Variants in ADAMTS3 observed in about 807,000 individuals in gnomAD.
ADAMTS3 encodes ADAM metallopeptidase with thrombospondin type 1 motif 3, also known as A disintegrin and metalloproteinase with thrombospondin motifs 3.
In ADAMTS3, 73 loss-of-function variants were observed where a neutral mutation model predicts 129.0. That is an observed-to-expected ratio of 0.57 (90% CI 0.47 to 0.69). The LOEUF (loss-of-function observed/expected upper bound fraction) is 0.69, where lower values mean the gene tolerates loss of function less well. Among genes scored for constraint, ADAMTS3 ranks in the 30% least tolerant of loss-of-function variants. The pLI is 0.00. For synonymous variants in ADAMTS3, 477 were observed against 510.8 expected (o/e 0.93, Z 0.89); for missense variants, 1,457 against 1,514.5 (o/e 0.96, Z 0.63).
chr4:72,552,627 C>G (rs1171429504), intron 2 of ADAMTS3, among the ~76,000 whole-genome samples: 1 of 152,148 alleles, frequency 6.6e-6, no homozygotes, highest in Admixed American at 6.5e-5. Context: ...TCTCCTCAAA[C>G]CCATCCCACT....
At chr4:72,509,966 A>G (rs946264034) in intron 3 of ADAMTS3, among the ~76,000 whole-genome samples, 1 of 152,106 alleles carries the variant, frequency 6.6e-6, no homozygotes, top group Non-Finnish European at 1.5e-5. Flanking sequence ...AACATATGCA[A>G]ATCAATCAGC....
chr4:72,414,873 G>A lies in ADAMTS3; in HGVS notation c.603C>T (p.Tyr201=). 6.3e-7 allele frequency: 1 copy of A among 1,580,160 alleles called. No homozygotes were observed. The highest frequency in any genetic ancestry group is 1.2e-5 in the South Asian group (1 of 86,060). The change falls in exon 4 of 22, where the codon TAC becomes TAT. Residue 201 remains tyrosine (Y), a synonymous_variant. Coordinates refer to ENST00000286657, the MANE Select transcript of ADAMTS3 (RefSeq NM_014243.3). ...EEEKGRIHVV[Y]KRSAVEQAPI... ...GAGCCTGTTCTACAGCTGATCTCTT[G>A]TAGACAACATGAATCCTTCCTTTTT...
intron 3 of ADAMTS3, among the ~76,000 whole-genome samples, chr4:72,532,330 T>A (rs909353138): frequency 9.2e-5 from 14 of 152,136 alleles, no homozygotes; most frequent in Admixed American, 1.3e-4. Flanking sequence ...ACAATGATTT[T>A]CAGCCCTATT....
chr4:72,530,136 A>ATATAT (rs373350267), intron 3 of ADAMTS3, among the ~76,000 whole-genome samples: 25,097 of 25,158 alleles, frequency 1, 12,524 homozygotes, highest in Middle Eastern at 1. Context: ...ATAATATAAT[A>ATATAT]TATATTATAT....
chr4:72,323,395 A>G (rs979485389), intron 5 of ADAMTS3, among the ~76,000 whole-genome samples: 26 of 152,214 alleles, frequency 1.7e-4, no homozygotes, highest in African/African-American at 5.1e-4. Flanking sequence ...ATCCAAATAT[A>G]ACATTAGCCA....
intron 2 of ADAMTS3, among the ~76,000 whole-genome samples, chr4:72,558,879 T>C (rs1156282288): frequency 1.3e-5 from 2 of 151,616 alleles, no homozygotes; most frequent in African/African-American, 4.9e-5. Context: ...TATGACTAAA[T>C]CAAGTAGCCA....
chr4:72,442,819 T>G (rs1012514397), intron 3 of ADAMTS3, among the ~76,000 whole-genome samples: 1 of 151,754 alleles, frequency 6.6e-6, no homozygotes, highest in Non-Finnish European at 1.5e-5. Context: ...CTTTCTGTTT[T>G]TCCATCCTGA....
intron 19 of ADAMTS3, among the ~76,000 whole-genome samples, chr4:72,293,160 T>C (rs932288877): frequency 1.3e-5 from 2 of 152,186 alleles, no homozygotes; most frequent in African/African-American, 4.8e-5. Context: ...TACAAGGTGA[T>C]GAGCAAACTG....
chr4:72,536,123 C>T (rs904183838), intron 3 of ADAMTS3, among the ~76,000 whole-genome samples: 10 of 152,064 alleles, frequency 6.6e-5, no homozygotes, highest in African/African-American at 2.2e-4. Flanking sequence ...ATGACAACAG[C>T]AATAAGAAGT....
chr4:72,464,373 T>C (rs1049865412), intron 3 of ADAMTS3, among the ~76,000 whole-genome samples: 6 of 151,978 alleles, frequency 3.9e-5, no homozygotes, highest in Non-Finnish European at 2.9e-5. Context: ...GAATTTAAAC[T>C]TAGTGTGGGA....
Position 72,283,043 on chromosome 4 carries a change from T to G in ADAMTS3, c.*93A>C. On this transcript the variant is annotated 3_prime_UTR_variant, in exon 22 of 22. Transcript: ENST00000286657. ...ACAGATAAAATGAGCTGACGATCTA[T>G]AGAGATTTCCACTTTAAACAAGCAT... The G allele has an allele frequency of 9.1e-7, 1 of 1,100,788 alleles. No individual in the cohort carries two copies. Among genetic ancestry groups the G allele is most frequent in the Non-Finnish European group, 1.3e-6 (1 of 760,534 alleles). 68.2% of individuals were successfully genotyped at this position (1,100,788 alleles called of 1,614,324 possible).
intron 4 of ADAMTS3, among the ~76,000 whole-genome samples, chr4:72,355,266 T>A (rs1720551499): frequency 6.6e-6 from 1 of 151,872 alleles, no homozygotes; most frequent in East Asian, 1.9e-4. Context: ...AGGGACCAGC[T>A]CACATTTCTT....
At chr4:72,388,630 C>T (rs974187400) in intron 4 of ADAMTS3, among the ~76,000 whole-genome samples, 5 of 152,170 alleles carry the variant, frequency 3.3e-5, no homozygotes, top group African/African-American at 9.7e-5. Flanking sequence ...CAAGTCATAG[C>T]GTTTGGGGGA....
Position 72,313,722 on chromosome 4 carries a change from C to A in ADAMTS3, c.1700G>T (p.Cys567Phe). The change falls in exon 12 of 22, where the codon TGT becomes TTT. Residue 567 changes from cysteine to phenylalanine, a missense_variant. Transcript: ENST00000286657. ...TGTTCTGAAACGAACACCAGTTCCA[C>A]ATGTCCGAGAACAGGAGCCAAATTT... is the stretch of plus-strand genomic sequence containing the variant. ...WTKFGSCSRTCGTGVRFRTRQ... is the reference protein window; with the variant it reads ...WTKFGSCSRTFGTGVRFRTRQ... The A allele has an allele frequency of 6.2e-7, 1 of 1,613,798 alleles. No individual in the cohort carries two copies. Among genetic ancestry groups the A allele is most frequent in the Non-Finnish European group, 8.5e-7 (1 of 1,179,860 alleles).
chr4:72,415,673 A>G (rs1722286099), intron 3 of ADAMTS3, among the ~76,000 whole-genome samples: 2 of 151,702 alleles, frequency 1.3e-5, no homozygotes, highest in Admixed American at 1.3e-4. Context: ...AATTCCTTCC[A>G]TCTCTCTATT....
At chr4:72,507,409 C>A (rs1039972389) in intron 3 of ADAMTS3, among the ~76,000 whole-genome samples, 5 of 152,098 alleles carry the variant, frequency 3.3e-5, no homozygotes, top group African/African-American at 1.2e-4. Flanking sequence ...TAGATAAGGG[C>A]CATACGAAAT....
intron 3 of ADAMTS3, among the ~76,000 whole-genome samples, chr4:72,527,863 A>AC (rs1287369201): frequency 6.6e-6 from 1 of 152,154 alleles, no homozygotes; most frequent in Non-Finnish European, 1.5e-5. Context: ...GAATCCTGAA[A>AC]CCTAGAGGGG....
chr4:72,318,898 A>G (rs1719476186), intron 9 of ADAMTS3, among the ~76,000 whole-genome samples, 194 bp from the exon 10 acceptor site: 1 of 152,204 alleles, frequency 6.6e-6, no homozygotes, highest in South Asian at 2.1e-4. Flanking sequence ...TATTCATGCC[A>G]GGAAAGTAAA....
chr4:72,347,878 C>T (rs1475157790), intron 4 of ADAMTS3, among the ~76,000 whole-genome samples: 2 of 151,910 alleles, frequency 1.3e-5, no homozygotes, highest in Non-Finnish European at 2.9e-5. Context: ...TTCCTTTTCA[C>T]AGCTGCCGTT....
Sources: allele counts gnomAD v4.1 joint callset (sites outside exome capture counted in the v4.1 genomes callset), GRCh38; gene constraint gnomAD v4.1.1; transcripts MANE v1.5; gene names NCBI Gene and HGNC (gene_info 2026-07-23, HGNC 2026-07-21).